Variants in APOH observed in about 807,000 individuals in gnomAD.
APOH encodes apolipoprotein H.
Under a neutral mutation model 39.8 loss-of-function variants are expected in APOH, and 48 were observed. That is an observed-to-expected ratio of 1.21 (90% CI 0.96 to 1.54). The LOEUF (loss-of-function observed/expected upper bound fraction) is 1.54, where lower values mean the gene tolerates loss of function less well. APOH is among the 40% of genes most tolerant of loss of function. The probability of loss-of-function intolerance (pLI) is 0.00; values close to 1 mark genes in which losing one functional copy is unlikely to be tolerated. For missense variants in APOH, 415 were observed against 421.2 expected (o/e 0.99, Z 0.13); for synonymous variants, 153 against 151.1 (o/e 1.01, Z -0.09).
At position 66,212,208 on chromosome 17, in the gene APOH, T is replaced by C; in HGVS notation, c.983-20A>G. On this transcript the variant is annotated intron_variant, in intron 7 of 7. Transcript: ENST00000205948. ...TGTGTTCTGTTGGGGGAGAAAAAGA[T>C]AAACATTCTAAGAGAAACAATCATT... The C allele has an allele frequency of 6.2e-7, 1 of 1,603,318 alleles. No individual in the cohort carries two copies. The highest frequency in any genetic ancestry group is 8.5e-7 in the Non-Finnish European group (1 of 1,171,346).
At chr17:66,217,146 C>G (rs2073370487) in intron 5 of APOH, among the ~76,000 whole-genome samples, 179 bp from the exon 6 acceptor site, 1 of 151,842 alleles carries the variant, frequency 6.6e-6, no homozygotes. Flanking sequence ...TCTGTGGTAC[C>G]CTGGATATTA....
chr17:66,216,118 A>G (rs1206966185), intron 6 of APOH, among the ~76,000 whole-genome samples: 1 of 150,032 alleles, frequency 6.7e-6, no homozygotes, highest in Non-Finnish European at 1.5e-5. Flanking sequence ...CAGGGAACTG[A>G]GATTCTACCA....
rs753128006 is a variant in APOH at position 66,214,561 on chromosome 17, G to A, written c.874C>T (p.His292Tyr). 6.2e-7 allele frequency: 1 copy of A among 1,613,938 alleles called. No individual in the cohort carries two copies. Among genetic ancestry groups the A allele is most frequent in the Non-Finnish European group, 8.5e-7 (1 of 1,179,870 alleles). ...IQEKFKNGML[H>Y]GDKVSFFCKN... The stretch of plus-strand genomic sequence containing the variant: ...CAGAAGAAAGAAACTTTATCACCAT[G>A]TAGCATTCCATTCTTAAATTTTTCC... Residue 292 changes from histidine (H) to tyrosine (Y), a missense_variant, in exon 7 of 8, where the codon CAT becomes TAT. Transcript: ENST00000205948.
At chr17:66,217,464 T>C (rs2073372865) in intron 5 of APOH, among the ~76,000 whole-genome samples, 2 of 151,506 alleles carry the variant, frequency 1.3e-5, no homozygotes, top group African/African-American at 4.8e-5. Flanking sequence ...AAAATGGTGC[T>C]GCTTCCTGGC....
Position 66,220,709 on chromosome 17 carries a change from A to C in APOH, c.449T>G (p.Phe150Cys). 1 of 1,614,060 alleles carries C rather than the reference A, an allele frequency of 6.2e-7. No homozygotes were observed. The highest frequency in any genetic ancestry group is 1.3e-5 in the African/African-American group (1 of 75,046). The change falls in exon 5 of 8, where the codon TTT (phenylalanine) becomes TGT (cysteine). Residue 150 changes from phenylalanine (F) to cysteine (C), a missense_variant. This residue lies in a region of APOH where 288 missense variants were observed against 284.9 expected (regional missense o/e 1.01). Transcript: ENST00000205948. ...TGGCTTATAAACACGAAGTGTTGCA[A>C]ACGTAGGTATGGATGGTGGAGGGCA... is the stretch of plus-strand genomic sequence containing the variant. Reference protein sequence around the residue: ...IICPPPSIPTFATLRVYKPSA... With the variant: ...IICPPPSIPTCATLRVYKPSA...
At chr17:66,227,946 C>T (rs2073449338) in intron 2 of APOH, 74 bp downstream of exon 2, 6 of 1,498,988 alleles carry the variant, frequency 4.0e-6, no homozygotes, top group Middle Eastern at 2.4e-4. Flanking sequence ...CTGAGCATGA[C>T]GAGGTAGCTT....
Position 66,221,983 on chromosome 17 carries a change from T to C in APOH, c.416-1241A>G, listed in dbSNP as rs188214103. Among the ~76,000 whole-genome samples the C allele has an allele frequency of 5.6e-4, 86 of 152,330 alleles. 1 individual carries two copies. Among genetic ancestry groups the C allele is most frequent in the South Asian group, 5.0e-3 (24 of 4,830 alleles). On this transcript the variant is annotated intron_variant, in intron 4 of 7. Transcript: ENST00000205948. ...CACTGCAGGTGCCTGAATCAGAATC[T>C]ACATTTTAACAAGGTGCCCAGGAGA...
intron 5 of APOH, among the ~76,000 whole-genome samples, chr17:66,219,702 T>C (rs911182194): frequency 2.6e-5 from 4 of 152,128 alleles, no homozygotes; most frequent in African/African-American, 9.7e-5. Context: ...GCAGATTACT[T>C]GAGGTCAGGC....
At chr17:66,226,707 T>C (rs1442355439) in intron 2 of APOH, among the ~76,000 whole-genome samples, 1 of 152,084 alleles carries the variant, frequency 6.6e-6, no homozygotes, top group Non-Finnish European at 1.5e-5. Flanking sequence ...TGAACTATTA[T>C]GTAGCCAATA....
chr17:66,227,127 A>C (rs1348267471), intron 2 of APOH, among the ~76,000 whole-genome samples: 1 of 151,996 alleles, frequency 6.6e-6, no homozygotes, highest in African/African-American at 2.4e-5. Context: ...CAGGCGATCC[A>C]CCCACCTTAG....
rs8178951 is a variant in APOH, at chr17:66,212,071, A to G, written c.*62T>C. The G allele has an allele frequency of 1.2e-4, 166 of 1,406,714 alleles. 1 individual carries two copies. In the African/African-American group the frequency reaches 1.2e-3, roughly 11 times the overall value. 87.1% of individuals were successfully genotyped at this position (1,406,714 alleles called of 1,614,324 possible). On this transcript the variant is annotated 3_prime_UTR_variant, in exon 8 of 8. Transcript: ENST00000205948. Reference sequence around the variant, plus strand: ...TCAGTAGCTTTATTTTTAAATTTCAATTAGGTTCCTTGGATGAACAAGAAA... The same window carrying G: ...TCAGTAGCTTTATTTTTAAATTTCAGTTAGGTTCCTTGGATGAACAAGAAA...
chr17:66,223,859 A>T (rs2073418669), intron 3 of APOH, 85 bp from the exon 4 acceptor site: 1 of 1,185,504 alleles, frequency 8.4e-7, no homozygotes. Flanking sequence ...GCATTGCTTC[A>T]TGTTAATGCT....
intron 3 of APOH, among the ~76,000 whole-genome samples, chr17:66,224,540 G>A (rs1380259298): frequency 7.6e-6 from 1 of 132,036 alleles, no homozygotes; most frequent in Non-Finnish European, 1.6e-5. Flanking sequence ...GAGAGAGACA[G>A]ACAAAGAAAG....
In APOH at chr17:66,228,010, A is replaced by T. The variant is rs775814855; in HGVS notation, c.241+10T>A. The stretch of plus-strand genomic sequence containing the variant: ...GAGGGAAGAGAATGTGAGAGAAGGT[A>T]CTGACTTACGTGTACATTTCAGAGT... On this transcript the variant is annotated intron_variant, in intron 2 of 7. Coordinates refer to ENST00000205948, the MANE Select transcript of APOH (RefSeq NM_000042.3). 1 of 1,608,552 alleles carries T rather than the reference A, an allele frequency of 6.2e-7. No homozygotes were observed. The highest frequency in any genetic ancestry group is 2.2e-5 in the East Asian group (1 of 44,826).
intron 4 of APOH, 135 bp from the exon 5 acceptor site, chr17:66,220,877 G>T: frequency 1.1e-6 from 1 of 933,392 alleles, no homozygotes. Context: ...GGTAAAAATT[G>T]TCAATTGTGG....
chr17:66,219,878 C>G (rs1253787549), intron 5 of APOH, among the ~76,000 whole-genome samples: 4 of 152,094 alleles, frequency 2.6e-5, no homozygotes, highest in Admixed American at 6.6e-5. Context: ...CCACTGCACT[C>G]CAGCCTGAGT....
intron 5 of APOH, among the ~76,000 whole-genome samples, chr17:66,217,723 G>A (rs1466710862): frequency 6.6e-6 from 1 of 152,238 alleles, no homozygotes; most frequent in Non-Finnish European, 1.5e-5. Flanking sequence ...GGCTGAGGTG[G>A]ATGCTGAGGA....
intron 3 of APOH, among the ~76,000 whole-genome samples, chr17:66,224,169 ATTT>A (rs2073420348): frequency 2.6e-5 from 4 of 152,188 alleles, no homozygotes; most frequent in Non-Finnish European, 4.4e-5. Context: ...AATGCAGTCT[ATTT>A]CCAATGAAAA....
intron 1 of APOH, 87 bp downstream of exon 1, chr17:66,229,229 G>C (rs537004974): frequency 3.1e-5 from 34 of 1,104,382 alleles, no homozygotes; most frequent in Non-Finnish European, 4.1e-5. Context: ...GAGCAAGCAC[G>C]CCCGGCCTAC....
Sources: allele counts gnomAD v4.1 joint callset (sites outside exome capture counted in the v4.1 genomes callset), GRCh38; gene constraint gnomAD v4.1.1; regional missense constraint gnomAD v4.1.1; transcripts MANE v1.5; gene names NCBI Gene and HGNC (gene_info 2026-07-23, HGNC 2026-07-21).